HSPG2: variants seen among roughly 807,000 people sequenced by gnomAD.
The protein encoded by HSPG2 is basement membrane-specific heparan sulfate proteoglycan core protein.
Under a neutral mutation model 526.6 loss-of-function variants are expected in HSPG2, and 278 were observed. The observed-to-expected ratio is 0.53, with a 90% CI of 0.48 to 0.58. The LOEUF (loss-of-function observed/expected upper bound fraction) is 0.58. Ranked by LOEUF, HSPG2 falls within the 20% of genes least tolerant of loss-of-function variation. The pLI is 0.00. For missense variants in HSPG2, 5,354 were observed against 6,099.5 expected (o/e 0.88, Z 4.07); for synonymous variants, 2,465 against 2,555.4 (o/e 0.96, Z 1.07).
chr1:21,872,999 T>G lies in HSPG2; in HGVS notation c.3886A>C (p.Lys1296Gln). ...CAGGGACAGGGATTCGGACTGACCTTGCACTGGCACTGACCAGCAGCATCA... is the reference window on the plus strand; with the variant it reads ...CAGGGACAGGGATTCGGACTGACCTGGCACTGGCACTGACCAGCAGCATCA... ...QCDAAGQCQCKAQVEGLTCSH... is the reference protein window; with the variant it reads ...QCDAAGQCQCQAQVEGLTCSH... The change falls in exon 31 of 97, where the codon AAG becomes CAG. Residue 1296 changes from lysine (K) to glutamine (Q), a missense_variant and splice_region_variant. Transcript: ENST00000374695. The surrounding 1 kb of genome is among the most constrained non-coding windows in gnomAD (Gnocchi z 5.5). 2.5e-6 allele frequency: 4 copies of G among 1,611,216 alleles called. No homozygotes were observed. Among genetic ancestry groups the G allele is most frequent in the Non-Finnish European group, 3.4e-6 (4 of 1,179,712 alleles).
intron 1 of HSPG2, among the ~76,000 whole-genome samples, chr1:21,910,040 C>T (rs1187998798): frequency 6.6e-6 from 1 of 152,184 alleles, no homozygotes; most frequent in African/African-American, 2.4e-5. Context: ...GAAAAGCCTT[C>T]CACAGAAATG....
chr1:21,851,287 TTAC>T, intron 55 of HSPG2: 1 of 562,264 alleles, frequency 1.8e-6, no homozygotes, highest in South Asian at 2.0e-5. Context: ...CGTACCATTG[TTAC>T]CATTTTATAG....
intron 1 of HSPG2, among the ~76,000 whole-genome samples, chr1:21,914,427 G>C (rs1340502207): frequency 6.6e-6 from 1 of 152,140 alleles, no homozygotes; most frequent in African/African-American, 2.4e-5. Flanking sequence ...ACAGCCAGGA[G>C]GCCGGTTATC....
At position 21,874,410 on chromosome 1, in the gene HSPG2, C is replaced by A. The variant is rs778103999; in HGVS notation, c.3652G>T (p.Gly1218Cys). 6.2e-7 allele frequency: 1 copy of A among 1,611,308 alleles called. No individual in the cohort carries two copies. Among genetic ancestry groups the A allele is most frequent in the Non-Finnish European group, 8.5e-7 (1 of 1,179,674 alleles). Reference protein sequence around the residue: ...LCPCYGDPAAGQAAHTCFLDT... With the variant: ...LCPCYGDPAACQAAHTCFLDT... Reference sequence around the variant, plus strand: ...GCAGGCAGGGACTGGACGCACTGGCCGGCAGCAGGGTCTCCGTAGCAGGGG... The same window carrying A: ...GCAGGCAGGGACTGGACGCACTGGCAGGCAGCAGGGTCTCCGTAGCAGGGG... Residue 1218 changes from glycine to cysteine, a missense_variant, in exon 28 of 97, where the codon GGC becomes TGC. Gly to Cys is a radical substitution (Grantham distance 159). Coordinates refer to ENST00000374695, the MANE Select transcript of HSPG2 (RefSeq NM_005529.7).
intron 13 of HSPG2, among the ~76,000 whole-genome samples, chr1:21,882,593 T>G (rs544144399): frequency 6.6e-6 from 1 of 152,288 alleles, no homozygotes; most frequent in African/African-American, 2.4e-5. Context: ...ATTGCTGGTT[T>G]GGTTTTGCCA....
At chr1:21,933,616 A>C (rs1644404656) in intron 1 of HSPG2, among the ~76,000 whole-genome samples, 1 of 152,202 alleles carries the variant, frequency 6.6e-6, no homozygotes, top group Non-Finnish European at 1.5e-5. Context: ...GTCTGCGCTC[A>C]GCCTGAGAGC....
chr1:21,875,663 G>C lies in HSPG2; in HGVS notation c.3268C>G (p.Arg1090Gly), dbSNP rs763721984. Residue 1090 changes from arginine to glycine, a missense_variant, in exon 25 of 97, where the codon CGA becomes GGA. By Grantham distance (125) the Arg-to-Gly change is moderately radical. Coordinates refer to ENST00000374695, the MANE Select transcript of HSPG2 (RefSeq NM_005529.7). ...ALAGIDTLLI[R>G]ASYAQQPAES... is the part of the protein sequence containing the mutation. ...GCGGGCTGCTGGGCGTAGGATGCTC[G>C]GATCAGGAGGGTGTCGATGCCTGCC... 6.2e-7 allele frequency: 1 copy of C among 1,603,074 alleles called. No homozygotes were observed. Among genetic ancestry groups the C allele is most frequent in the Non-Finnish European group, 8.5e-7 (1 of 1,179,958 alleles).
At position 21,887,976 on chromosome 1, in the gene HSPG2, C is replaced by A. The variant is rs762529271; in HGVS notation, c.665G>T (p.Arg222Leu). The stretch of plus-strand genomic sequence containing the variant: ...ATCAGACATGTCCCTGCAGTCGGGC[C>A]GCCGGTCACAGCGATACTCCAGGGC... Reference protein sequence around the residue: ...CVALEYRCDRRPDCRDMSDEL... With the variant: ...CVALEYRCDRLPDCRDMSDEL... Residue 222 changes from arginine (R) to leucine (L), a missense_variant, in exon 7 of 97, where the codon CGG becomes CTG. Arg to Leu is a moderately radical substitution (Grantham distance 102). Transcript: ENST00000374695. The surrounding 1 kb of genome is among the most constrained non-coding windows in gnomAD (Gnocchi z 5.0). The A allele has an allele frequency of 1.9e-6, 3 of 1,614,068 alleles. No homozygotes were observed. Among genetic ancestry groups the A allele is most frequent in the Non-Finnish European group, 2.5e-6 (3 of 1,180,064 alleles).
chr1:21,828,365 C>T lies in HSPG2; in HGVS notation c.12299G>A (p.Gly4100Glu), dbSNP rs781754955. ...TYSFLGSQGI[G>E]QCYDSSPCER... ...ACATGGGGAGCTATCATAGCATTGC[C>T]CGATGCCCTGGCTGCCTAGGAAACT... Residue 4100 changes from glycine to glutamate, a missense_variant, in exon 89 of 97, where the codon GGG (glycine) becomes GAG (glutamate). By Grantham distance (98) the Gly-to-Glu change is moderately conservative (BLOSUM62 -2). Coordinates refer to ENST00000374695, the MANE Select transcript of HSPG2 (RefSeq NM_005529.7). This position sits in a 1 kb window ranked among gnomAD's most constrained non-coding sequence, Gnocchi z 6.0. 6.2e-7 allele frequency: 1 copy of T among 1,613,798 alleles called. No homozygotes were observed. The highest frequency in any genetic ancestry group is 8.5e-7 in the Non-Finnish European group (1 of 1,180,004).
chr1:21,829,101 G>A (rs2097990361), intron 87 of HSPG2, 22 bp from the exon 88 acceptor site: 2 of 1,531,404 alleles, frequency 1.3e-6, no homozygotes, highest in East Asian at 4.9e-5. Context: ...GCCAGGCAGG[G>A]TTGGGCACAT....
At position 21,848,497 on chromosome 1, in the gene HSPG2, G is replaced by A; in HGVS notation, c.7737+146C>T. The A allele has an allele frequency of 1.1e-6, 1 of 937,524 alleles. No homozygotes were observed. Among genetic ancestry groups the A allele is most frequent in the Non-Finnish European group, 1.7e-6 (1 of 584,966 alleles). 58.1% of individuals were successfully genotyped at this position (937,524 alleles called of 1,614,324 possible). A position where few individuals can be genotyped will look rare whatever the true frequency, so the allele number is the denominator to read the frequency against. On this transcript the variant is annotated intron_variant, in intron 59 of 96. Coordinates refer to ENST00000374695, the MANE Select transcript of HSPG2 (RefSeq NM_005529.7). The surrounding 1 kb of genome is among the most constrained non-coding windows in gnomAD (Gnocchi z 4.9). ...AGGGAGCCTTATTTCTGTATTCTCAGCACTGGTCTAGGACCCATCCAGCAA... is the reference window on the plus strand; with the variant it reads ...AGGGAGCCTTATTTCTGTATTCTCAACACTGGTCTAGGACCCATCCAGCAA...
Position 21,865,584 on chromosome 1 carries a change from G to A in HSPG2, c.4314+133C>T, listed in dbSNP as rs1164914975. 5.6e-6 allele frequency: 5 copies of A among 900,496 alleles called. No individual in the cohort carries two copies. Among genetic ancestry groups the A allele is most frequent in the Non-Finnish European group, 9.2e-6 (5 of 541,356 alleles). 55.8% of individuals were successfully genotyped at this position (900,496 alleles called of 1,614,324 possible). ...TGTCCAACCAGGCAGGGATGTGGGG[G>A]CATGGGCCTAACTCCCCCAGCCTGT... On this transcript the variant is annotated intron_variant, in intron 34 of 96. Coordinates refer to ENST00000374695, the MANE Select transcript of HSPG2 (RefSeq NM_005529.7). This position sits in a 1 kb window ranked among gnomAD's most constrained non-coding sequence, Gnocchi z 5.4.
rs1277772092 is a variant in HSPG2 at position 21,855,289 on chromosome 1, G to A, written c.5997+15C>T. ...CCTGTGGGCCTCCTCCTCCTGGGTG[G>A]GCCCATCTCCTCACCTGTGGTGGGA... On this transcript the variant is annotated intron_variant, in intron 47 of 96. Coordinates refer to ENST00000374695, the MANE Select transcript of HSPG2 (RefSeq NM_005529.7). The A allele has an allele frequency of 6.3e-7, 1 of 1,597,316 alleles. No individual in the cohort carries two copies. The highest frequency in any genetic ancestry group is 1.3e-5 in the African/African-American group (1 of 74,754).
chr1:21,910,749 G>T (rs1643614115), intron 1 of HSPG2, among the ~76,000 whole-genome samples: 1 of 152,096 alleles, frequency 6.6e-6, no homozygotes, highest in South Asian at 2.1e-4. Context: ...GCACACAGGT[G>T]GTTAATACCC....
intron 51 of HSPG2, 33 bp downstream of exon 51, chr1:21,852,886 C>G (rs2152721442): frequency 6.2e-7 from 1 of 1,611,982 alleles, no homozygotes; most frequent in East Asian, 2.2e-5. Context: ...CATCCAGCCC[C>G]TCCAGCAAGG....
chr1:21,833,030 T>C (rs2098011333), intron 80 of HSPG2: 4 of 593,738 alleles, frequency 6.7e-6, no homozygotes, highest in Non-Finnish European at 9.1e-6. Context: ...GATGCCCCGG[T>C]GGCAGAGGAG....
intron 1 of HSPG2, among the ~76,000 whole-genome samples, chr1:21,914,392 G>A (rs150858662): frequency 2.9e-4 from 31 of 106,442 alleles, no homozygotes; most frequent in African/African-American, 9.6e-4. Flanking sequence ...CCAGAGGCAG[G>A]AGGAGCCTCA....
intron 13 of HSPG2, 95 bp from the exon 14 acceptor site, chr1:21,881,597 T>A: frequency 8.6e-7 from 1 of 1,164,484 alleles, no homozygotes; most frequent in Non-Finnish European, 1.2e-6. Context: ...GGGAAAGTTC[T>A]AGTGGAAATT....
At chr1:21,832,209 G>C (rs770312050) in intron 81 of HSPG2, among the ~76,000 whole-genome samples, 10 of 152,130 alleles carry the variant, frequency 6.6e-5, no homozygotes, top group Non-Finnish European at 1.2e-4. Context: ...CTGTATCAGT[G>C]CCTGGCACAC....
Sources: gnomAD v4.1 joint callset for allele counts (sites outside exome capture counted in the v4.1 genomes callset) on GRCh38, gnomAD v4.1.1 for gene constraint, Gnocchi (gnomAD v3.1) non-coding constraint, MANE v1.5 for transcripts, NCBI Gene and HGNC (gene_info 2026-07-23, HGNC 2026-07-21) for gene names.